The following NLGN1 variants were observed in gnomAD, a reference collection of about 807,000 sequenced individuals.
NLGN1 encodes neuroligin 1, also known as neuroligin-1.
A neutral mutation model predicts 65.5 loss-of-function variants in NLGN1; 12 were observed. The ratio of observed to expected loss-of-function variants is 0.18; its 90% CI spans 0.12 to 0.30. The LOEUF is 0.30. Among genes scored for constraint, NLGN1 ranks in the 10% least tolerant of loss-of-function variants. NLGN1 has a pLI of 1.00. For missense variants in NLGN1, 750 were observed against 1,007.1 expected, an observed-to-expected ratio of 0.74 and a Z score of 3.46; for synonymous variants, 350 against 359.5, an observed-to-expected ratio of 0.97 and a Z score of 0.30.
At chr3:173,821,875 A>G (rs1449913010) in intron 4 of NLGN1, among the ~76,000 whole-genome samples, 1 of 152,208 alleles carries the variant, frequency 6.6e-6, no homozygotes, top group Non-Finnish European at 1.5e-5. Flanking sequence ...TCCTTGTGCT[A>G]GAAAGTATTT....
chr3:174,081,881 A>G (rs1034950244), intron 4 of NLGN1, among the ~76,000 whole-genome samples: 2 of 152,026 alleles, frequency 1.3e-5, no homozygotes, highest in African/African-American at 4.8e-5. Context: ...TAGGTTTTCA[A>G]CATATGAATT....
chr3:174,201,288 C>T (rs1225661363), intron 4 of NLGN1, among the ~76,000 whole-genome samples: 9 of 115,238 alleles, frequency 7.8e-5, no homozygotes, highest in Non-Finnish European at 1.0e-4. Context: ...AGGAAAGGAA[C>T]GGAAAGGGGG....
intron 3 of NLGN1, among the ~76,000 whole-genome samples, chr3:173,667,241 A>G (rs1012727287): frequency 6.8e-6 from 1 of 146,182 alleles, no homozygotes; most frequent in Non-Finnish European, 1.5e-5. Context: ...ACGCATATGC[A>G]CACACACACA....
chr3:174,161,920 T>A (rs1034140431), intron 4 of NLGN1, among the ~76,000 whole-genome samples: 13 of 151,852 alleles, frequency 8.6e-5, no homozygotes, highest in Non-Finnish European at 1.9e-4. Flanking sequence ...TGGTCTCAAT[T>A]GTGAGCCTCA....
intron 4 of NLGN1, among the ~76,000 whole-genome samples, chr3:174,086,651 T>C (rs1743458955): frequency 6.6e-6 from 1 of 151,922 alleles, no homozygotes. Context: ...TGTACATTTG[T>C]GGTGAAATTT....
chr3:173,918,647 A>G (rs1442840915), intron 4 of NLGN1, among the ~76,000 whole-genome samples: 1 of 139,862 alleles, frequency 7.1e-6, no homozygotes, highest in Admixed American at 7.5e-5. Flanking sequence ...AAAAAAAAAA[A>G]AAAGAAATAC....
At chr3:174,152,584 A>T (rs543551162) in intron 4 of NLGN1, among the ~76,000 whole-genome samples, 2 of 152,146 alleles carry the variant, frequency 1.3e-5, no homozygotes, top group Admixed American at 1.3e-4. Context: ...AACATGGCAC[A>T]TGTATACATA....
intron 4 of NLGN1, among the ~76,000 whole-genome samples, chr3:173,827,629 A>ATGTGTGTGTGTGTGTGTGTG (rs59670610): frequency 1.7e-4 from 25 of 146,884 alleles, no homozygotes; most frequent in South Asian, 8.8e-4. Flanking sequence ...TATTTATGAT[A>ATGTGTGTGTGTGTGTGTGTG]TGTGTGTGTG....
intron 4 of NLGN1, among the ~76,000 whole-genome samples, chr3:173,817,885 G>C (rs1436777338): frequency 6.6e-6 from 1 of 152,130 alleles, no homozygotes; most frequent in African/African-American, 2.4e-5. Flanking sequence ...AATGTGGTTT[G>C]TGATTTTCTC....
intron 3 of NLGN1, among the ~76,000 whole-genome samples, chr3:173,666,098 A>G (rs758184182): frequency 4.6e-5 from 7 of 152,174 alleles, no homozygotes; most frequent in Non-Finnish European, 1.0e-4. Flanking sequence ...TGGAGAAAGC[A>G]TCATGCCTGT....
At chr3:174,127,352 T>C (rs1471620575) in intron 4 of NLGN1, among the ~76,000 whole-genome samples, 1 of 152,176 alleles carries the variant, frequency 6.6e-6, no homozygotes, top group Non-Finnish European at 1.5e-5. Flanking sequence ...TATTTAAGCA[T>C]TGTAAGGACA....
In NLGN1 at chr3:173,888,940, T is replaced by C. The variant is rs561813887; in HGVS notation, c.646+81108T>C. 6.6e-4 allele frequency among the ~76,000 whole-genome samples: 100 copies of C among 152,270 alleles called. No individual in the cohort carries two copies. The Middle Eastern group carries it at 0.024, about 36-fold the overall frequency. On this transcript the variant is annotated intron_variant, in intron 4 of 6. Transcript: ENST00000457714. Reference sequence around the variant, plus strand: ...GACAGATTTATTATAATTTAGGTGTTGATCACTTTGGCTGGAGATTTTCTG... The same window carrying C: ...GACAGATTTATTATAATTTAGGTGTCGATCACTTTGGCTGGAGATTTTCTG...
chr3:173,561,120 C>T (rs1245114238), intron 2 of NLGN1, among the ~76,000 whole-genome samples: 2 of 152,152 alleles, frequency 1.3e-5, no homozygotes, highest in African/African-American at 2.4e-5. Context: ...TTCTTCTGGG[C>T]ATAAGATTTC....
intron 2 of NLGN1, among the ~76,000 whole-genome samples, chr3:173,435,793 C>T (rs1013624340): frequency 6.6e-6 from 1 of 152,068 alleles, no homozygotes; most frequent in Non-Finnish European, 1.5e-5. Flanking sequence ...TGAGATCATG[C>T]CACTGCACTC....
intron 3 of NLGN1, among the ~76,000 whole-genome samples, chr3:173,789,626 A>G (rs969806867): frequency 3.3e-5 from 5 of 152,206 alleles, no homozygotes; most frequent in Admixed American, 6.5e-5. Flanking sequence ...GCTTCTGTTA[A>G]TAACTTGGGC....
At chr3:174,117,157 C>A (rs1305439043) in intron 4 of NLGN1, among the ~76,000 whole-genome samples, 1 of 151,870 alleles carries the variant, frequency 6.6e-6, no homozygotes, top group Non-Finnish European at 1.5e-5. Flanking sequence ...AACTTTATAG[C>A]CTATTTTGTT....
In NLGN1 at chr3:173,582,017, T is replaced by C. The variant is rs115564006; in HGVS notation, c.-320-22262T>C. On this transcript the variant is annotated intron_variant, in intron 2 of 6. Coordinates refer to ENST00000457714, the Ensembl canonical transcript of NLGN1. ...TGTTTGTCATTATCATACATGTTGA[T>C]ATATTTTGCTGTATATAGGTATGTG... is the stretch of plus-strand genomic sequence containing the variant. Among the ~76,000 whole-genome samples the C allele has an allele frequency of 4.6e-3, 707 of 152,146 alleles. 5 individuals carry two copies. The highest frequency in any genetic ancestry group is 0.016 in the African/African-American group (658 of 41,548).
chr3:173,637,614 A>G (rs970722750), intron 3 of NLGN1, among the ~76,000 whole-genome samples: 1 of 152,168 alleles, frequency 6.6e-6, no homozygotes, highest in Non-Finnish European at 1.5e-5. Flanking sequence ...GCATTATTTT[A>G]CAGCTAGGAT....
chr3:173,664,420 C>T (rs1761414466), intron 3 of NLGN1, among the ~76,000 whole-genome samples: 2 of 152,010 alleles, frequency 1.3e-5, no homozygotes, highest in Non-Finnish European at 2.9e-5. Context: ...TTTAGAAATA[C>T]AAAATCACTT....
Sources: gnomAD v4.1 joint callset for allele counts (sites outside exome capture counted in the v4.1 genomes callset) on GRCh38, gnomAD v4.1.1 for gene constraint, MANE v1.5 for transcripts, NCBI Gene and HGNC (gene_info 2026-07-23, HGNC 2026-07-21) for gene names.